Variants in CALD1 observed in about 807,000 individuals in gnomAD.
CALD1 encodes the protein caldesmon 1.
In CALD1, 33 loss-of-function variants were observed where a neutral mutation model predicts 99.9. The ratio of observed to expected loss-of-function variants is 0.33; its 90% CI spans 0.25 to 0.44. CALD1 has a LOEUF of 0.44. CALD1 is among the 20% of genes least tolerant of loss of function. The probability of loss-of-function intolerance (pLI) is 1.00; values close to 1 mark genes in which losing one functional copy is unlikely to be tolerated. For synonymous variants in CALD1, 310 were observed against 325.0 expected, an observed-to-expected ratio of 0.95 and a Z score of 0.50; for missense variants, 861 against 962.1, an observed-to-expected ratio of 0.89 and a Z score of 1.39.
chr7:134,733,460 C>T, the CALD1 span, among the ~76,000 whole-genome samples: 8 of 152,314 alleles, frequency 5.3e-5, no homozygotes, highest in African/African-American at 1.7e-4. Flanking sequence ...AAGCTGAGGA[C>T]TATATTTTGT....
chr7:134,870,148 G>T (rs910940156), intron 3 of CALD1, among the ~76,000 whole-genome samples: 4 of 152,188 alleles, frequency 2.6e-5, no homozygotes, highest in Admixed American at 2.6e-4. Flanking sequence ...AGTAGACATG[G>T]TTCTTGCCTT....
chr7:134,933,444 A>T lies in CALD1; in HGVS notation c.675A>T (p.Val225=). Residue 225 remains valine, a synonymous_variant, in exon 5 of 15, where the codon GTA becomes GTT. Coordinates refer to ENST00000361675, the MANE Select transcript of CALD1 (RefSeq NM_033138.4). ...CTGAAAGCCAGGAGGAAACAGTGGT[A>T]ATGTCATTAAAAAATGGGCAGATCA... ...KTTESQEETV[V]MSLKNGQISS... 6.2e-7 allele frequency: 1 copy of T among 1,613,950 alleles called. No individual in the cohort carries two copies. The highest frequency in any genetic ancestry group is 1.3e-5 in the African/African-American group (1 of 74,994).
At chr7:134,887,248 G>A (rs964475785) in intron 3 of CALD1, among the ~76,000 whole-genome samples, 3 of 152,182 alleles carry the variant, frequency 2.0e-5, no homozygotes, top group Non-Finnish European at 2.9e-5. Flanking sequence ...CACGTTCAAC[G>A]CCATGGCAGG....
At chr7:134,903,599 C>T (rs1186981450) in intron 3 of CALD1, among the ~76,000 whole-genome samples, 6 of 152,120 alleles carry the variant, frequency 3.9e-5, no homozygotes, top group South Asian at 2.1e-4. Flanking sequence ...CTTGTAGATG[C>T]GTCACTCCAA....
chr7:134,863,148 C>G (rs758615356), intron 2 of CALD1, among the ~76,000 whole-genome samples: 17 of 152,274 alleles, frequency 1.1e-4, no homozygotes, highest in Admixed American at 5.9e-4. Context: ...TGCAAAGACT[C>G]TATCTCCAAA....
chr7:134,818,530 C>T (rs555436303), intron 1 of CALD1, among the ~76,000 whole-genome samples: 1 of 152,158 alleles, frequency 6.6e-6, no homozygotes, highest in South Asian at 2.1e-4. Flanking sequence ...TAATCAGAAG[C>T]AGGCCCCAGA....
At chr7:134,864,795 C>G (rs1184889091) in intron 2 of CALD1, among the ~76,000 whole-genome samples, 1 of 152,158 alleles carries the variant, frequency 6.6e-6, no homozygotes, top group Admixed American at 6.5e-5. Flanking sequence ...ATATTGAAAA[C>G]ACAGACATAT....
chr7:134,729,376 C>T, the CALD1 span, among the ~76,000 whole-genome samples: 1 of 152,218 alleles, frequency 6.6e-6, no homozygotes, highest in Non-Finnish European at 1.5e-5. Flanking sequence ...GGAGCTGGGA[C>T]TCAAAATCCC....
intron 1 of CALD1, among the ~76,000 whole-genome samples, chr7:134,754,211 G>A (rs1033364066): frequency 1.3e-5 from 2 of 152,160 alleles, no homozygotes; most frequent in African/African-American, 4.8e-5. Context: ...CCTGTGCTGG[G>A]GCCTGAGATG....
chr7:134,717,006 G>GTCTA, the CALD1 span, among the ~76,000 whole-genome samples: 4 of 152,048 alleles, frequency 2.6e-5, no homozygotes, highest in Non-Finnish European at 5.9e-5. Flanking sequence ...CTTAGACTCT[G>GTCTA]TCTATCTATC....
At chr7:134,916,655 C>A (rs937560684) in intron 3 of CALD1, among the ~76,000 whole-genome samples, 3 of 152,244 alleles carry the variant, frequency 2.0e-5, no homozygotes, top group Non-Finnish European at 4.4e-5. Flanking sequence ...ACCACTTTCC[C>A]TTGCAGGGAT....
chr7:134,773,155 A>T (rs772186040), intron 1 of CALD1, among the ~76,000 whole-genome samples: 1 of 150,936 alleles, frequency 6.6e-6, no homozygotes, highest in Non-Finnish European at 1.5e-5. Flanking sequence ...TTTTCTTCTT[A>T]CTATTTTTTT....
At chr7:134,847,089 G>A (rs1799881538) in intron 2 of CALD1, among the ~76,000 whole-genome samples, 1 of 152,132 alleles carries the variant, frequency 6.6e-6, no homozygotes, top group Non-Finnish European at 1.5e-5. Context: ...TTTCCTATGA[G>A]CACGTAAAAG....
the CALD1 span, among the ~76,000 whole-genome samples, chr7:134,737,205 G>A: frequency 6.6e-6 from 1 of 152,142 alleles, no homozygotes; most frequent in Non-Finnish European, 1.5e-5. Flanking sequence ...GTTCATTGCA[G>A]CCTTGACCTC....
intron 1 of CALD1, among the ~76,000 whole-genome samples, chr7:134,810,095 T>A (rs1798298276): frequency 6.6e-6 from 1 of 152,214 alleles, no homozygotes; most frequent in African/African-American, 2.4e-5. Context: ...TGATTAATAT[T>A]ATTCTCAGAG....
chr7:134,853,535 T>A (rs549844181), intron 2 of CALD1, among the ~76,000 whole-genome samples: 1 of 152,278 alleles, frequency 6.6e-6, no homozygotes, highest in East Asian at 1.9e-4. Flanking sequence ...TTTTTTCTTC[T>A]TTTTAGGTTT....
chr7:134,713,269 T>C, the CALD1 span, among the ~76,000 whole-genome samples: 1 of 152,208 alleles, frequency 6.6e-6, no homozygotes, highest in African/African-American at 2.4e-5. Flanking sequence ...TCCACTCTAA[T>C]CCAAATTTAC....
chr7:134,711,678 ATATGTGTG>A, the CALD1 span, among the ~76,000 whole-genome samples: 127 of 54,792 alleles, frequency 2.3e-3, no homozygotes, highest in Non-Finnish European at 4.2e-3. Flanking sequence ...ATATATATAT[ATATGTGTG>A]TGTGTGTGTG....
chr7:134,807,107 G>A (rs1189484467), intron 1 of CALD1, among the ~76,000 whole-genome samples: 1 of 152,098 alleles, frequency 6.6e-6, no homozygotes, highest in African/African-American at 2.4e-5. Flanking sequence ...GCATCATCAT[G>A]GGCAGAGGAC....
Sources: gnomAD v4.1 joint callset for allele counts (sites outside exome capture counted in the v4.1 genomes callset) on GRCh38, gnomAD v4.1.1 for gene constraint, MANE v1.5 for transcripts, NCBI Gene and HGNC (gene_info 2026-07-23, HGNC 2026-07-21) for gene names.